SEMA5A: variants seen among roughly 807,000 people sequenced by gnomAD.
SEMA5A encodes the protein semaphorin-5A.
Under a neutral mutation model 135.5 loss-of-function variants are expected in SEMA5A, and 55 were observed. The observed-to-expected ratio is 0.41, with a 90% CI of 0.33 to 0.51. SEMA5A has a LOEUF of 0.51. Ranked by LOEUF, SEMA5A falls within the 20% of genes least tolerant of loss-of-function variation. The pLI, the probability that SEMA5A is intolerant of heterozygous loss-of-function variation, is 0.37. For synonymous variants in SEMA5A, 580 were observed against 546.5 expected, an observed-to-expected ratio of 1.06 and a Z score of -0.85; for missense variants, 1,290 against 1,419.9, an observed-to-expected ratio of 0.91 and a Z score of 1.47.
At chr5:9,504,845 G>A (rs1735790245) in intron 1 of SEMA5A, among the ~76,000 whole-genome samples, 1 of 152,256 alleles carries the variant, frequency 6.6e-6, no homozygotes, top group South Asian at 2.1e-4. Context: ...TCAATGGCAA[G>A]GGCCAAAGCA....
At position 9,197,152 on chromosome 5, in the gene SEMA5A, GC is replaced by G. The variant is rs774223907; in HGVS notation, c.1068+15del. 19 of 1,613,902 alleles carry G rather than the reference GC, an allele frequency of 1.2e-5. No homozygotes were observed. Among genetic ancestry groups the G allele is most frequent in the African/African-American group, 4.0e-5 (3 of 74,942 alleles). ...TGGGGGATGCCAACAGTGCCCCTTT[GC>G]CCCCCGAAAATTACCTGGAAGTGGG... On this transcript the variant is annotated intron_variant, in intron 10 of 22. Coordinates refer to ENST00000382496, the MANE Select transcript of SEMA5A (RefSeq NM_003966.3).
chr5:9,493,065 C>G (rs268476), intron 1 of SEMA5A, among the ~76,000 whole-genome samples: 147,607 of 152,180 alleles, frequency 0.97, 71,832 homozygotes, highest in Non-Finnish European at 1. Context: ...AACAAATAGA[C>G]CACTCTAGTG....
chr5:9,286,949 C>T (rs1330687050), intron 5 of SEMA5A, among the ~76,000 whole-genome samples: 1 of 152,210 alleles, frequency 6.6e-6, no homozygotes, highest in Non-Finnish European at 1.5e-5. Flanking sequence ...GAACACATTT[C>T]CTTTTTTAGT....
At chr5:9,163,956 G>T (rs1476260678) in intron 11 of SEMA5A, among the ~76,000 whole-genome samples, 1 of 144,772 alleles carries the variant, frequency 6.9e-6, no homozygotes, top group East Asian at 2.0e-4. Context: ...TGTTATGGCA[G>T]TCCCAGCAAT....
intron 3 of SEMA5A, among the ~76,000 whole-genome samples, chr5:9,342,415 C>G (rs1190947276): frequency 6.6e-6 from 1 of 152,212 alleles, no homozygotes; most frequent in Non-Finnish European, 1.5e-5. Flanking sequence ...TGTTTCATTC[C>G]TCACACCTTC....
intron 18 of SEMA5A, among the ~76,000 whole-genome samples, chr5:9,058,153 TA>T (rs1025112993): frequency 1.4e-4 from 22 of 152,104 alleles, no homozygotes; most frequent in African/African-American, 2.7e-4. Context: ...TATATTGGAC[TA>T]AAAAAATAAC....
chr5:9,315,343 C>CTTTTAT (rs1752343326), intron 5 of SEMA5A, among the ~76,000 whole-genome samples: 1 of 152,114 alleles, frequency 6.6e-6, no homozygotes, highest in Non-Finnish European at 1.5e-5. Flanking sequence ...TATCTTTTAG[C>CTTTTAT]ATGCTTTTCC....
chr5:9,255,774 A>G (rs1033397803), intron 5 of SEMA5A, among the ~76,000 whole-genome samples: 1 of 152,190 alleles, frequency 6.6e-6, no homozygotes, highest in Non-Finnish European at 1.5e-5. Flanking sequence ...ACACACCTGC[A>G]TTCCTGTCCA....
At chr5:9,427,833 T>C (rs562194871) in intron 2 of SEMA5A, among the ~76,000 whole-genome samples, 2 of 152,282 alleles carry the variant, frequency 1.3e-5, no homozygotes, top group South Asian at 4.1e-4. Context: ...CACAAATTCA[T>C]AATTAAGTTA....
chr5:9,060,909 T>G lies in SEMA5A; in HGVS notation c.2518+1978A>C, dbSNP rs557749881. 2.1e-3 allele frequency among the ~76,000 whole-genome samples: 312 copies of G among 152,192 alleles called. 2 individuals carry two copies. The highest frequency in any genetic ancestry group is 7.5e-4 in the Non-Finnish European group (51 of 68,016). On this transcript the variant is annotated intron_variant, in intron 18 of 22. Coordinates refer to ENST00000382496, the MANE Select transcript of SEMA5A (RefSeq NM_003966.3). The stretch of plus-strand genomic sequence containing the variant: ...CTCAGAAAGTTGTATCTACTAGAAA[T>G]ATGTTAATATTCTATGCCTTTAAAA...
intron 8 of SEMA5A, among the ~76,000 whole-genome samples, chr5:9,220,660 C>A (rs923238410): frequency 3.9e-5 from 6 of 152,102 alleles, no homozygotes; most frequent in Non-Finnish European, 7.4e-5. Context: ...ATAAGCAAAG[C>A]TTAAAGACCA....
chr5:9,132,153 A>C (rs1179556991), intron 13 of SEMA5A, among the ~76,000 whole-genome samples: 1 of 152,166 alleles, frequency 6.6e-6, no homozygotes, highest in Non-Finnish European at 1.5e-5. Context: ...TACTATAGAA[A>C]CCCATAAACA....
intron 11 of SEMA5A, among the ~76,000 whole-genome samples, chr5:9,178,581 C>T (rs1209504871): frequency 3.9e-5 from 6 of 152,074 alleles, no homozygotes; most frequent in African/African-American, 7.2e-5. Context: ...CCGCCTGCCT[C>T]GGCCTCCTAA....
intron 6 of SEMA5A, among the ~76,000 whole-genome samples, chr5:9,233,468 T>G (rs1455912397): frequency 6.6e-6 from 1 of 151,880 alleles, no homozygotes; most frequent in Non-Finnish European, 1.5e-5. Flanking sequence ...CCACCCCCAC[T>G]TTTTTTCCCC....
chr5:9,447,269 A>G (rs1758468220), intron 1 of SEMA5A, among the ~76,000 whole-genome samples: 1 of 152,208 alleles, frequency 6.6e-6, no homozygotes. Flanking sequence ...CACTTATTTT[A>G]GATACCTAAG....
chr5:9,403,620 A>G (rs376882570), intron 2 of SEMA5A, among the ~76,000 whole-genome samples: 1 of 152,148 alleles, frequency 6.6e-6, no homozygotes, highest in East Asian at 1.9e-4. Flanking sequence ...TGATTAACAC[A>G]TACCTGCTGC....
At chr5:9,148,071 T>C (rs1451442165) in intron 12 of SEMA5A, among the ~76,000 whole-genome samples, 1 of 152,134 alleles carries the variant, frequency 6.6e-6, no homozygotes, top group African/African-American at 2.4e-5. Context: ...TGTTCTATGA[T>C]AAAAGATTAA....
chr5:9,348,671 C>T (rs1579388123), intron 3 of SEMA5A, among the ~76,000 whole-genome samples: 1 of 152,182 alleles, frequency 6.6e-6, no homozygotes, highest in Admixed American at 6.5e-5. Context: ...TTTAGAATTA[C>T]AAATGATGTT....
chr5:9,531,424 G>T (rs1271305542), intron 1 of SEMA5A, among the ~76,000 whole-genome samples: 21 of 152,172 alleles, frequency 1.4e-4, no homozygotes, highest in Admixed American at 1.3e-3. Flanking sequence ...CCCTGGGCAA[G>T]TACCAACAGT....
Sources: allele counts gnomAD v4.1 joint callset (sites outside exome capture counted in the v4.1 genomes callset), GRCh38; gene constraint gnomAD v4.1.1; transcripts MANE v1.5; gene names NCBI Gene and HGNC (gene_info 2026-07-23, HGNC 2026-07-21).